ZDHHC20: variants seen among roughly 807,000 people sequenced by gnomAD.
ZDHHC20 encodes the protein zDHHC palmitoyltransferase 20.
In ZDHHC20, 43 loss-of-function variants were observed where a neutral mutation model predicts 57.8. That is an observed-to-expected ratio of 0.74 (90% CI 0.58 to 0.96). The LOEUF (loss-of-function observed/expected upper bound fraction) is 0.96, where lower values mean the gene tolerates loss of function less well. ZDHHC20 is among the 40% of genes least tolerant of loss of function. ZDHHC20 has a pLI of 0.00. For synonymous variants in ZDHHC20, 157 were observed against 153.0 expected, an observed-to-expected ratio of 1.03 and a Z score of -0.19; for missense variants, 391 against 441.1, an observed-to-expected ratio of 0.89 and a Z score of 1.02.
chr13:21,400,366 G>T lies in ZDHHC20; in HGVS notation c.594+7C>A. ...ATACATGTTTCAAGATAGAAAAAAAGACTTACCGTCCAAAATTTTATAAAG... is the reference window on the plus strand; with the variant it reads ...ATACATGTTTCAAGATAGAAAAAAATACTTACCGTCCAAAATTTTATAAAG... On this transcript the variant is annotated splice_region_variant and intron_variant, in intron 7 of 12. Coordinates refer to ENST00000400590, the MANE Select transcript of ZDHHC20 (RefSeq NM_001330059.2). 6.3e-7 allele frequency: 1 copy of T among 1,576,510 alleles called. No homozygotes were observed. Among genetic ancestry groups the T allele is most frequent in the South Asian group, 1.2e-5 (1 of 81,790 alleles).
At position 21,375,917 on chromosome 13, in the gene ZDHHC20, C is replaced by A. The variant is rs1196263331; in HGVS notation, c.*779G>T. 1 of 152,072 alleles carries A rather than the reference C, an allele frequency of 6.6e-6. No homozygotes were observed. The highest frequency in any genetic ancestry group is 2.4e-5 in the African/African-American group (1 of 41,384). The allele number at this position is 152,072 out of a possible 1,614,324, so 9.4% of individuals were successfully genotyped here. On this transcript the variant is annotated 3_prime_UTR_variant, in exon 13 of 13. Transcript: ENST00000400590. ...TTGTGTTTCTCTGCCCATGTACATA[C>A]CCCTGAAAGTTCAACAAAAAAAGCT...
rs959648403 is a variant in ZDHHC20, at chr13:21,458,946, G to T, written c.118+108C>A. ...CGAGCGCGTTCGGGGCCGGACGCCCGGCGTCCGGCGCTGGCTCCAGAAAGG... is the reference window on the plus strand; with the variant it reads ...CGAGCGCGTTCGGGGCCGGACGCCCTGCGTCCGGCGCTGGCTCCAGAAAGG... On this transcript the variant is annotated intron_variant, in intron 1 of 12. Coordinates refer to ENST00000400590, the MANE Select transcript of ZDHHC20 (RefSeq NM_001330059.2). 19 of 792,360 alleles carry T rather than the reference G, an allele frequency of 2.4e-5. No individual in the cohort carries two copies. In the African/African-American group the frequency reaches 3.0e-4, roughly 12 times the overall value. 49.1% of individuals were successfully genotyped at this position (792,360 alleles called of 1,614,324 possible).
intron 3 of ZDHHC20, among the ~76,000 whole-genome samples, chr13:21,414,990 T>A (rs980642988): frequency 1.3e-5 from 2 of 152,174 alleles, no homozygotes; most frequent in Admixed American, 6.5e-5. Context: ...AGGTTCTGCT[T>A]AAAAAGCCCT....
At position 21,413,850 on chromosome 13, in the gene ZDHHC20, G is replaced by C; in HGVS notation, c.250-78C>G. ...TCATGCTCAGAAAAAGTTTTATCTAGAAAAAAGAAAACCAAAAACTATTTT... is the reference window on the plus strand; with the variant it reads ...TCATGCTCAGAAAAAGTTTTATCTACAAAAAAGAAAACCAAAAACTATTTT... On this transcript the variant is annotated intron_variant, in intron 3 of 12. Coordinates refer to ENST00000400590, the MANE Select transcript of ZDHHC20 (RefSeq NM_001330059.2). 3.2e-6 allele frequency: 4 copies of C among 1,262,052 alleles called. No homozygotes were observed. The South Asian group carries it at 6.1e-5, about 19-fold the overall frequency. The allele number at this position is 1,262,052 out of a possible 1,614,324, so 78.2% of individuals were successfully genotyped here.
At chr13:21,399,286 AG>A (rs1223109454) in intron 7 of ZDHHC20, among the ~76,000 whole-genome samples, 1 of 152,180 alleles carries the variant, frequency 6.6e-6, no homozygotes, top group African/African-American at 2.4e-5. Flanking sequence ...CAGAGGTTAT[AG>A]TAAGATGAGA....
chr13:21,423,712 T>C, intron 2 of ZDHHC20, among the ~76,000 whole-genome samples: 1 of 150,458 alleles, frequency 6.6e-6, no homozygotes, highest in Non-Finnish European at 1.5e-5. Context: ...ATATTATATG[T>C]ATATTTTATA....
intron 9 of ZDHHC20, among the ~76,000 whole-genome samples, chr13:21,386,788 A>G (rs1489111671): frequency 6.6e-6 from 1 of 152,178 alleles, no homozygotes; most frequent in Non-Finnish European, 1.5e-5. Context: ...GCCCCAAGTG[A>G]TTCACCTGCC....
Position 21,374,184 on chromosome 13 carries a change from T to C in ZDHHC20, c.*2512A>G, listed in dbSNP as rs1871643863. ...TTTTAACATTTATCTCCTTATAATA[T>C]GCAAACTGCCAAACTGGAGTTATGT... On this transcript the variant is annotated 3_prime_UTR_variant, in exon 13 of 13. Transcript: ENST00000400590. 1 of 183,956 alleles carries C rather than the reference T, an allele frequency of 5.4e-6. No homozygotes were observed. Among genetic ancestry groups the C allele is most frequent in the Admixed American group, 5.5e-5 (1 of 18,214 alleles). The allele number at this position is 183,956 out of a possible 1,614,324, so 11.4% of individuals were successfully genotyped here. A position where few individuals can be genotyped will look rare whatever the true frequency, so the allele number is the denominator to read the frequency against.
At chr13:21,379,270 G>A (rs1346015414) in intron 11 of ZDHHC20, among the ~76,000 whole-genome samples, 2 of 151,882 alleles carry the variant, frequency 1.3e-5, no homozygotes, top group Non-Finnish European at 2.9e-5. Flanking sequence ...TAAATGTCCA[G>A]AATCATTTTT....
intron 10 of ZDHHC20, chr13:21,382,044 A>C (rs576604204): frequency 3.2e-5 from 14 of 438,458 alleles, no homozygotes; most frequent in Non-Finnish European, 6.5e-5. Flanking sequence ...GAAGAGGAAA[A>C]GGAAACTAAC....
chr13:21,380,684 C>G (rs188536221), intron 11 of ZDHHC20, among the ~76,000 whole-genome samples: 1 of 151,096 alleles, frequency 6.6e-6, no homozygotes, highest in African/African-American at 2.4e-5. Flanking sequence ...CCCAGCTACT[C>G]GGGAGGCTGA....
rs752309450 is a variant in ZDHHC20, at chr13:21,381,460, C to G, written c.1034G>C (p.Gly345Ala). The G allele has an allele frequency of 1.2e-6, 2 of 1,613,734 alleles. No homozygotes were observed. The highest frequency in any genetic ancestry group is 4.5e-5 in the East Asian group (2 of 44,892). Residue 345 changes from glycine to alanine, a missense_variant, in exon 11 of 13, where the codon GGA (glycine) becomes GCA (alanine). Around this residue, in one of 3 missense-constraint regions of ZDHHC20, gnomAD observed 197 missense variants for 220.8 expected, o/e 0.89. Coordinates refer to ENST00000400590, the MANE Select transcript of ZDHHC20 (RefSeq NM_001330059.2). ...LDSESQWLEN[G>A]AEEGIVKSGT... is the part of the protein sequence containing the mutation. Reference sequence around the variant, plus strand: ...TGATTTGACGATGCCTTCTTCAGCTCCATTCTCCAGCCACTGAGATTCACT... The same window carrying G: ...TGATTTGACGATGCCTTCTTCAGCTGCATTCTCCAGCCACTGAGATTCACT...
chr13:21,400,352 A>C, intron 7 of ZDHHC20, 21 bp downstream of exon 7: 1 of 1,568,248 alleles, frequency 6.4e-7, no homozygotes, highest in Non-Finnish European at 8.6e-7. Flanking sequence ...TACATGTTTC[A>C]AGATAGAAAA....
chr13:21,451,084 ATTT>A (rs1375831119), intron 1 of ZDHHC20, among the ~76,000 whole-genome samples: 1 of 152,128 alleles, frequency 6.6e-6, no homozygotes, highest in Admixed American at 6.5e-5. Context: ...TCTAATTCAC[ATTT>A]AACTTTTCCT....
intron 7 of ZDHHC20, among the ~76,000 whole-genome samples, chr13:21,396,832 CAA>C (rs34868405): frequency 4.1e-5 from 3 of 73,314 alleles, no homozygotes; most frequent in African/African-American, 6.9e-5. Flanking sequence ...GACTCTGTCT[CAA>C]AAAAAAAAAA....
At chr13:21,426,798 G>T (rs1378042692) in intron 1 of ZDHHC20, among the ~76,000 whole-genome samples, 1 of 151,914 alleles carries the variant, frequency 6.6e-6, no homozygotes, top group Non-Finnish European at 1.5e-5. Flanking sequence ...GTAGAGATGG[G>T]TTTTCACCAT....
intron 11 of ZDHHC20, among the ~76,000 whole-genome samples, 154 bp from the exon 12 acceptor site, chr13:21,378,892 GAAGT>G (rs1376892135): frequency 6.6e-6 from 1 of 151,960 alleles, no homozygotes; most frequent in Non-Finnish European, 1.5e-5. Context: ...ATAGAACCTA[GAAGT>G]AAGTAAAGAG....
chr13:21,405,250 C>CATTTTCATTT (rs1413442726), intron 4 of ZDHHC20, among the ~76,000 whole-genome samples: 16 of 152,000 alleles, frequency 1.1e-4, no homozygotes, highest in Non-Finnish European at 2.4e-4. Context: ...TAACAAAAAT[C>CATTTTCATTT]ATTTTCATTT....
At chr13:21,432,663 T>A (rs150290680) in intron 1 of ZDHHC20, among the ~76,000 whole-genome samples, 4,571 of 152,180 alleles carry the variant, frequency 0.03, 217 homozygotes, top group African/African-American at 0.1. Flanking sequence ...AAGATAGGGT[T>A]TCACCATGTT....
Sources: allele counts gnomAD v4.1 joint callset (sites outside exome capture counted in the v4.1 genomes callset), GRCh38; gene constraint gnomAD v4.1.1; regional missense constraint gnomAD v4.1.1; transcripts MANE v1.5; gene names NCBI Gene and HGNC (gene_info 2026-07-23, HGNC 2026-07-21).